The following UQCC1 variants were observed in gnomAD, a reference collection of about 807,000 sequenced individuals.
UQCC1 encodes bFGF-repressed Zic-binding protein.
Under a neutral mutation model 48.0 loss-of-function variants are expected in UQCC1, and 38 were observed. The observed-to-expected ratio is 0.79, with a 90% CI of 0.61 to 1.04. The LOEUF is 1.04. Ranked by LOEUF, UQCC1 falls within the 50% of genes least tolerant of loss-of-function variation. UQCC1 has a pLI of 0.00. For missense variants in UQCC1, 368 were observed against 381.8 expected (o/e 0.96, Z 0.30); for synonymous variants, 111 against 129.2 (o/e 0.86, Z 0.95).
chr20:35,311,731 C>T (rs1055530997), intron 8 of UQCC1, among the ~76,000 whole-genome samples: 3 of 152,178 alleles, frequency 2.0e-5, no homozygotes, highest in Admixed American at 2.0e-4. Flanking sequence ...CACCTGGGAA[C>T]TTTTACAACT....
At chr20:35,344,534 A>G (rs2061412723) in intron 7 of UQCC1, 1 of 152,270 alleles carries the variant, frequency 6.6e-6, no homozygotes, top group Admixed American at 6.5e-5. Context: ...TTGGCTGACC[A>G]GGAGGTATCT....
At chr20:35,387,002 C>A (rs1045667109) in intron 2 of UQCC1, among the ~76,000 whole-genome samples, 1 of 151,956 alleles carries the variant, frequency 6.6e-6, no homozygotes, top group East Asian at 1.9e-4. Context: ...ATAGGCTGGG[C>A]GTGGTGGCTG....
chr20:35,408,972 T>A (rs540923022), intron 1 of UQCC1, among the ~76,000 whole-genome samples: 1 of 152,176 alleles, frequency 6.6e-6, no homozygotes, highest in African/African-American at 2.4e-5. Context: ...ATTCCACTTA[T>A]ATGAGGTACA....
At chr20:35,384,949 A>T (rs2061920771) in intron 2 of UQCC1, among the ~76,000 whole-genome samples, 1 of 141,454 alleles carries the variant, frequency 7.1e-6, no homozygotes, top group Non-Finnish European at 1.5e-5. Context: ...CCTGGGCAAC[A>T]CAGCAAGAAT....
intron 7 of UQCC1, among the ~76,000 whole-genome samples, chr20:35,339,974 T>C (rs539461422): frequency 6.6e-6 from 1 of 152,276 alleles, no homozygotes; most frequent in Admixed American, 6.5e-5. Context: ...TCAATATGTA[T>C]CTGCTAAGAA....
chr20:35,393,511 C>T (rs867171527), intron 2 of UQCC1, among the ~76,000 whole-genome samples: 5 of 130,246 alleles, frequency 3.8e-5, no homozygotes, highest in African/African-American at 1.4e-4. Context: ...CAAACACACA[C>T]ACACACACAC....
At chr20:35,335,724 A>G (rs2061308470) in intron 7 of UQCC1, among the ~76,000 whole-genome samples, 1 of 152,178 alleles carries the variant, frequency 6.6e-6, no homozygotes, top group African/African-American at 2.4e-5. Context: ...GAGGTAATTA[A>G]AATATTCTGG....
chr20:35,342,381 T>C (rs2061390824), intron 7 of UQCC1, among the ~76,000 whole-genome samples: 1 of 152,206 alleles, frequency 6.6e-6, no homozygotes, highest in African/African-American at 2.4e-5. Context: ...TGAGCTAATT[T>C]TTATGTTTGT....
At chr20:35,393,813 AG>A (rs1414006779) in intron 2 of UQCC1, among the ~76,000 whole-genome samples, 1 of 152,084 alleles carries the variant, frequency 6.6e-6, no homozygotes, top group Non-Finnish European at 1.5e-5. Context: ...AAATTGAAAA[AG>A]GTTAACTCGG....
At chr20:35,342,958 T>C (rs565665699) in intron 7 of UQCC1, among the ~76,000 whole-genome samples, 2 of 152,282 alleles carry the variant, frequency 1.3e-5, no homozygotes, top group East Asian at 1.9e-4. Flanking sequence ...TTTTGTAAAA[T>C]AAAAAATTTC....
Position 35,384,662 on chromosome 20 carries a change from AAG to A in UQCC1, c.130-531_130-530del, listed in dbSNP as rs1555813298. 2,251 of 399,612 alleles carry A rather than the reference AAG, an allele frequency of 5.6e-3. 31 individuals are homozygous for A. The highest frequency in any genetic ancestry group is 0.022 in the South Asian group (1,038 of 46,864). The allele number at this position is 399,612 out of a possible 1,614,324, so 24.8% of individuals were successfully genotyped here. A position where few individuals can be genotyped will look rare whatever the true frequency, so the allele number is the denominator to read the frequency against. ...GACCCTGTCTGTAAAAAAAAAAAAAAAGAGAGAGAGAGAGTGAATTCAAAGGC... is the reference window on the plus strand; with the variant it reads ...GACCCTGTCTGTAAAAAAAAAAAAAAAGAGAGAGAGAGTGAATTCAAAGGC... On this transcript the variant is annotated intron_variant, in intron 2 of 9. Transcript: ENST00000374385.
chr20:35,340,079 C>T (rs2061360712), intron 7 of UQCC1, among the ~76,000 whole-genome samples: 1 of 152,158 alleles, frequency 6.6e-6, no homozygotes. Flanking sequence ...TACAGCACAT[C>T]ATGGTAAGTT....
intron 2 of UQCC1, among the ~76,000 whole-genome samples, chr20:35,387,282 T>C (rs557297666): frequency 2.0e-5 from 3 of 151,662 alleles, no homozygotes; most frequent in South Asian, 2.1e-4. Flanking sequence ...CAAGGCTCTG[T>C]CTCAAAAAAT....
At chr20:35,311,316 A>G (rs1383391755) in intron 8 of UQCC1, among the ~76,000 whole-genome samples, 2 of 152,202 alleles carry the variant, frequency 1.3e-5, no homozygotes, top group Admixed American at 1.3e-4. Flanking sequence ...CAAAGCGTCC[A>G]GGGAGGGGGA....
intron 6 of UQCC1, among the ~76,000 whole-genome samples, chr20:35,357,201 A>G (rs866784769): frequency 1.3e-5 from 2 of 152,270 alleles, no homozygotes; most frequent in Non-Finnish European, 1.5e-5. Flanking sequence ...CCTGGACAAC[A>G]TGACGAAACC....
At chr20:35,319,174 C>T (rs1255418415) in intron 7 of UQCC1, among the ~76,000 whole-genome samples, 1 of 152,162 alleles carries the variant, frequency 6.6e-6, no homozygotes, top group East Asian at 1.9e-4. Flanking sequence ...GATTCAGTGA[C>T]TGGTATTACT....
At chr20:35,405,281 C>T (rs541222030) in intron 1 of UQCC1, among the ~76,000 whole-genome samples, 84 of 152,216 alleles carry the variant, frequency 5.5e-4, no homozygotes, top group Admixed American at 3.6e-3. Context: ...TAAGCAGAGA[C>T]TTCAGTAGCC....
chr20:35,370,602 TTCTCAAATTGAG>T lies in UQCC1; in HGVS notation c.406+3570_406+3581del, dbSNP rs528558503. On this transcript the variant is annotated intron_variant, in intron 5 of 9. Coordinates refer to ENST00000374385, the MANE Select transcript of UQCC1 (RefSeq NM_018244.5). Reference sequence around the variant, plus strand: ...ACATGCTATAGGTCTCAAAAGGAAATTCTCAAATTGAGTCTCAGAAAACCTGAAGAGTAGCGT... The same window carrying T: ...ACATGCTATAGGTCTCAAAAGGAAATTCTCAGAAAACCTGAAGAGTAGCGT... Among the ~76,000 whole-genome samples, 572 of 152,240 alleles carry T rather than the reference TTCTCAAATTGAG, an allele frequency of 3.8e-3. 1 individual carries two copies. Among genetic ancestry groups the T allele is most frequent in the Non-Finnish European group, 5.2e-3 (355 of 68,010 alleles).
In UQCC1 at chr20:35,303,451, T is replaced by C. The variant is rs1203981216; in HGVS notation, c.*484A>G. On this transcript the variant is annotated 3_prime_UTR_variant, in exon 10 of 10. Transcript: ENST00000374385. ...AAGTCCCTGGAATAAAGAAGGGCCA[T>C]GGCAGAGAGAAGTCTCTGTTTCTTT... is the stretch of plus-strand genomic sequence containing the variant. 1 of 162,858 alleles carries C rather than the reference T, an allele frequency of 6.1e-6. No homozygotes were observed. Among genetic ancestry groups the C allele is most frequent in the East Asian group, 1.6e-4 (1 of 6,160 alleles). 10.1% of individuals were successfully genotyped at this position (162,858 alleles called of 1,614,324 possible).
Sources: allele counts gnomAD v4.1 joint callset (sites outside exome capture counted in the v4.1 genomes callset), GRCh38; gene constraint gnomAD v4.1.1; transcripts MANE v1.5; gene names NCBI Gene and HGNC (gene_info 2026-07-23, HGNC 2026-07-21).